SIPA1L3: variants seen among roughly 807,000 people sequenced by gnomAD.
SIPA1L3 encodes the protein signal induced proliferation associated 1 like 3.
SIPA1L3 carries 59 observed loss-of-function variants against 150.1 expected under a neutral mutation model. The ratio of observed to expected loss-of-function variants is 0.39; its 90% CI spans 0.32 to 0.49. The LOEUF is 0.49. Among genes scored for constraint, SIPA1L3 ranks in the 20% least tolerant of loss-of-function variants. The probability of loss-of-function intolerance (pLI) is 0.86; values close to 1 mark genes in which losing one functional copy is unlikely to be tolerated. For synonymous variants in SIPA1L3, 1,070 were observed against 1,077.6 expected, an observed-to-expected ratio of 0.99 and a Z score of 0.14; for missense variants, 2,211 against 2,489.5, an observed-to-expected ratio of 0.89 and a Z score of 2.38.
chr19:38,180,056 C>T (rs1276957857), intron 15 of SIPA1L3, among the ~76,000 whole-genome samples: 1 of 152,088 alleles, frequency 6.6e-6, no homozygotes, highest in Non-Finnish European at 1.5e-5. Context: ...GGCCAGGCTG[C>T]GAGCTCTCCT....
At chr19:38,201,001 C>G (rs1487031698) in intron 19 of SIPA1L3, 1 of 150,402 alleles carries the variant, frequency 6.6e-6, no homozygotes, top group Non-Finnish European at 1.5e-5. Flanking sequence ...GGGGTTTTTA[C>G]TGTGCTATTC....
At position 38,192,303 on chromosome 19, in the gene SIPA1L3, A is replaced by G. The variant is rs940529285; in HGVS notation, c.4589A>G (p.Asp1530Gly). Residue 1530 changes from aspartate (D) to glycine (G), a missense_variant, in exon 17 of 22, where the codon GAC becomes GGC. Asp to Gly is a moderately conservative substitution (Grantham distance 94, BLOSUM62 -1). Transcript: ENST00000222345. ...AACCTGGGGCCAGAGCAGGAGAGAGACACGGGAGTACGTAGGGCCCTGTCC... is the reference window on the plus strand; with the variant it reads ...AACCTGGGGCCAGAGCAGGAGAGAGGCACGGGAGTACGTAGGGCCCTGTCC... ...MDNLGPEQERDTGQSPQKGLQ... is the reference protein window; with the variant it reads ...MDNLGPEQERGTGQSPQKGLQ... 2.5e-6 allele frequency: 4 copies of G among 1,604,834 alleles called. No homozygotes were observed. The highest frequency in any genetic ancestry group is 3.4e-6 in the Non-Finnish European group (4 of 1,176,064).
At chr19:38,002,138 C>T (rs891421357) in intron 1 of SIPA1L3, among the ~76,000 whole-genome samples, 1 of 152,178 alleles carries the variant, frequency 6.6e-6, no homozygotes, top group Non-Finnish European at 1.5e-5. Flanking sequence ...CATCATCATC[C>T]ATCCACAGAA....
At chr19:37,922,998 G>A (rs746352122) in intron 1 of SIPA1L3, among the ~76,000 whole-genome samples, 1 of 151,572 alleles carries the variant, frequency 6.6e-6, no homozygotes, top group African/African-American at 2.4e-5. Flanking sequence ...TTAGCTGGGC[G>A]TGGTGGCGGG....
In SIPA1L3 at chr19:38,162,391, T is replaced by G; in HGVS notation, c.3780+20T>G. 1 of 1,593,280 alleles carries G rather than the reference T, an allele frequency of 6.3e-7. No individual in the cohort carries two copies. The highest frequency in any genetic ancestry group is 8.6e-7 in the Non-Finnish European group (1 of 1,161,744). ...TCCAAAGTGAGTCTGGGCCCCACCCTGCCCTACCGGGGGAGCCAGGCCTGC... is the reference window on the plus strand; with the variant it reads ...TCCAAAGTGAGTCTGGGCCCCACCCGGCCCTACCGGGGGAGCCAGGCCTGC... On this transcript the variant is annotated intron_variant, in intron 14 of 21. Coordinates refer to ENST00000222345, the MANE Select transcript of SIPA1L3 (RefSeq NM_015073.3).
intron 2 of SIPA1L3, among the ~76,000 whole-genome samples, chr19:38,050,778 G>A (rs983885313): frequency 6.6e-6 from 1 of 152,132 alleles, no homozygotes; most frequent in African/African-American, 2.4e-5. Context: ...TGATGTGTGC[G>A]CTGGGCATGG....
chr19:38,196,719 C>T (rs528418008), intron 18 of SIPA1L3, among the ~76,000 whole-genome samples: 2 of 147,808 alleles, frequency 1.4e-5, no homozygotes, highest in Non-Finnish European at 3.0e-5. Context: ...AAGGGAGGAA[C>T]ATAGAGTCAA....
intron 6 of SIPA1L3, among the ~76,000 whole-genome samples, chr19:38,104,378 G>A (rs1186197259): frequency 6.6e-6 from 1 of 152,152 alleles, no homozygotes; most frequent in Admixed American, 6.5e-5. Context: ...TAATAATTGC[G>A]CTTATCTTGG....
intron 1 of SIPA1L3, among the ~76,000 whole-genome samples, chr19:37,982,369 C>T (rs562100682): frequency 2.0e-5 from 3 of 152,338 alleles, no homozygotes; most frequent in Non-Finnish European, 4.4e-5. Flanking sequence ...ATGGCTGCGT[C>T]CCCTGGGGCC....
intron 10 of SIPA1L3, among the ~76,000 whole-genome samples, chr19:38,132,347 GGGAGTTCAAGACCAGCCTGAACCAGGCT>G (rs1054904264): frequency 3.3e-5 from 5 of 151,216 alleles, no homozygotes; most frequent in African/African-American, 4.9e-5. Flanking sequence ...ATCACCAGGC[GGGAGTTCAAGACCAGCCTGAACCAGGCT>G]GGAGTCCAAG....
chr19:37,986,512 G>C (rs1050228899), intron 1 of SIPA1L3, among the ~76,000 whole-genome samples: 2 of 152,228 alleles, frequency 1.3e-5, no homozygotes, highest in Non-Finnish European at 2.9e-5. Flanking sequence ...CTGGGGAAAA[G>C]CAGGTTATTT....
At chr19:38,198,223 G>T (rs1973007782) in intron 18 of SIPA1L3, among the ~76,000 whole-genome samples, 166 bp from the exon 19 acceptor site, 1 of 152,220 alleles carries the variant, frequency 6.6e-6, no homozygotes, top group African/African-American at 2.4e-5. Flanking sequence ...CCAGCACCCT[G>T]TTTGAAGTCA....
intron 2 of SIPA1L3, among the ~76,000 whole-genome samples, chr19:38,059,673 C>T (rs532115665): frequency 6.6e-6 from 1 of 152,258 alleles, no homozygotes; most frequent in South Asian, 2.1e-4. Flanking sequence ...CGTGAATACA[C>T]AGTTTACCGA....
intron 2 of SIPA1L3, among the ~76,000 whole-genome samples, chr19:38,049,013 T>C (rs905536552): frequency 1.3e-4 from 20 of 149,194 alleles, no homozygotes; most frequent in Non-Finnish European, 2.7e-4. Flanking sequence ...ACCCAGGAGG[T>C]GGAGGTTGCA....
intron 1 of SIPA1L3, among the ~76,000 whole-genome samples, chr19:38,001,044 A>C (rs1417784028): frequency 6.6e-6 from 1 of 150,690 alleles, no homozygotes; most frequent in Non-Finnish European, 1.5e-5. Context: ...TCACACATAT[A>C]TCACACATAT....
chr19:37,909,374 G>T lies in SIPA1L3; in HGVS notation c.-379+2016G>T, dbSNP rs569458694. Among the ~76,000 whole-genome samples, 116 of 144,316 alleles carry T rather than the reference G, an allele frequency of 8.0e-4. 1 individual carries two copies. In the East Asian group the frequency reaches 0.022, roughly 27 times the overall value. 94.7% of individuals were successfully genotyped at this position (144,316 alleles called of 152,430 possible). On this transcript the variant is annotated intron_variant, in intron 1 of 21. Coordinates refer to ENST00000222345, the MANE Select transcript of SIPA1L3 (RefSeq NM_015073.3). ...AGGTGCCCGCCACCACACGTGGTTA[G>T]TTTTTTTTTTTTTAGTAGAGATGGG...
At chr19:37,990,204 T>G (rs1489821423) in intron 1 of SIPA1L3, among the ~76,000 whole-genome samples, 1 of 152,224 alleles carries the variant, frequency 6.6e-6, no homozygotes, top group East Asian at 1.9e-4. Context: ...ACCCACATCT[T>G]GATTTTTGTA....
chr19:38,008,849 C>T (rs1033189443), intron 1 of SIPA1L3, among the ~76,000 whole-genome samples: 2 of 152,016 alleles, frequency 1.3e-5, no homozygotes, highest in African/African-American at 4.8e-5. Context: ...CATGAGCCAC[C>T]ATGCCTGGCC....
chr19:38,197,986 C>T (rs1298254566), intron 18 of SIPA1L3, among the ~76,000 whole-genome samples: 1 of 152,074 alleles, frequency 6.6e-6, no homozygotes, highest in African/African-American at 2.4e-5. Flanking sequence ...ACGGTCCGGC[C>T]GTGTTGCCTC....
Sources: allele counts gnomAD v4.1 joint callset (sites outside exome capture counted in the v4.1 genomes callset), GRCh38; gene constraint gnomAD v4.1.1; transcripts MANE v1.5; gene names NCBI Gene and HGNC (gene_info 2026-07-23, HGNC 2026-07-21).